Variants in TTC6 observed in about 807,000 individuals in gnomAD.
The protein encoded by TTC6 is tetratricopeptide repeat domain 6.
A neutral mutation model predicts 210.4 loss-of-function variants in TTC6; 172 were observed. The ratio of observed to expected loss-of-function variants is 0.82; its 90% CI spans 0.72 to 0.93. TTC6 has a LOEUF of 0.93. Among genes scored for constraint, TTC6 ranks in the 40% least tolerant of loss-of-function variants. The probability of loss-of-function intolerance (pLI) is 0.00; values close to 1 mark genes in which losing one functional copy is unlikely to be tolerated. For synonymous variants in TTC6, 804 were observed against 819.6 expected (o/e 0.98, Z 0.32); for missense variants, 2,414 against 2,318.1 (o/e 1.04, Z -0.85).
chr14:37,821,381 C>G (rs1434523467), intron 26 of TTC6, among the ~76,000 whole-genome samples: 1 of 152,046 alleles, frequency 6.6e-6, no homozygotes, highest in Non-Finnish European at 1.5e-5. Context: ...ACTTTTACTT[C>G]TTAAATAGTG....
At chr14:37,657,785 C>T (rs1359453241) in intron 1 of TTC6, among the ~76,000 whole-genome samples, 2 of 152,128 alleles carry the variant, frequency 1.3e-5, no homozygotes, top group Admixed American at 1.3e-4. Context: ...TTTCAAACAA[C>T]CTGGTATGAA....
chr14:37,822,332 A>C (rs1409747680), intron 26 of TTC6, among the ~76,000 whole-genome samples: 1 of 152,210 alleles, frequency 6.6e-6, no homozygotes, highest in Non-Finnish European at 1.5e-5. Context: ...GGCAACTTTC[A>C]TGAAGGAAGG....
chr14:37,700,101 T>C (rs1276052536), intron 4 of TTC6, among the ~76,000 whole-genome samples: 2 of 152,110 alleles, frequency 1.3e-5, no homozygotes, highest in Admixed American at 1.3e-4. Flanking sequence ...GACCTAAAGA[T>C]CTAAAGCTGA....
At chr14:37,746,029 A>G (rs780811256) in intron 10 of TTC6, among the ~76,000 whole-genome samples, 2 of 152,168 alleles carry the variant, frequency 1.3e-5, no homozygotes, top group Non-Finnish European at 2.9e-5. Context: ...TCTCATCTCT[A>G]AGCACCTTTA....
At chr14:37,743,988 G>A (rs1330369050) in intron 10 of TTC6, among the ~76,000 whole-genome samples, 1 of 152,114 alleles carries the variant, frequency 6.6e-6, no homozygotes, top group Non-Finnish European at 1.5e-5. Context: ...TTCCTTCCCT[G>A]GGAATGTATA....
chr14:37,686,128 G>T (rs2095793261), intron 3 of TTC6, among the ~76,000 whole-genome samples: 1 of 152,008 alleles, frequency 6.6e-6, no homozygotes, highest in African/African-American at 2.4e-5. Flanking sequence ...AGATGTCCAA[G>T]GACCGAATCC....
At chr14:37,616,795 C>T (rs1055824474) in intron 2 of TTC6, among the ~76,000 whole-genome samples, 7 of 148,868 alleles carry the variant, frequency 4.7e-5, no homozygotes, top group African/African-American at 1.5e-4. Context: ...GCTTTTGAAA[C>T]TGACAGCAGG....
chr14:37,670,887 A>T (rs890411970), intron 1 of TTC6, among the ~76,000 whole-genome samples: 1 of 152,200 alleles, frequency 6.6e-6, no homozygotes, highest in Non-Finnish European at 1.5e-5. Flanking sequence ...AATAAAAATT[A>T]TGAGATTTTG....
intron 17 of TTC6, among the ~76,000 whole-genome samples, 164 bp from the exon 20 acceptor site, chr14:37,795,106 T>G (rs2096089457): frequency 6.6e-6 from 1 of 152,180 alleles, no homozygotes; most frequent in African/African-American, 2.4e-5. Context: ...TAAATTTTTC[T>G]TTTTACTTCT....
At chr14:37,659,313 C>T (rs1462561137) in intron 1 of TTC6, among the ~76,000 whole-genome samples, 1 of 152,032 alleles carries the variant, frequency 6.6e-6, no homozygotes, top group Non-Finnish European at 1.5e-5. Flanking sequence ...AATGGGATTG[C>T]TGGGTTGAAT....
exon 31 of TTC6, chr14:37,842,417 C>A (rs1336670408): frequency 5.2e-6 from 4 of 771,076 alleles, no homozygotes; most frequent in East Asian, 3.2e-5. Flanking sequence ...TTCCATATAA[C>A]CTTCTATGCA....
chr14:37,609,225 G>A (rs1365155311), intron 2 of TTC6, among the ~76,000 whole-genome samples: 1 of 151,986 alleles, frequency 6.6e-6, no homozygotes, highest in Non-Finnish European at 1.5e-5. Context: ...TCAAGCCTGG[G>A]CAGTGTAGAG....
chr14:37,808,900 G>T, intron 24 of TTC6, 54 bp downstream of exon 26: 1 of 834,682 alleles, frequency 1.2e-6, no homozygotes. Context: ...TAAATAACAT[G>T]CATTTAATAG....
At chr14:37,650,886 A>G (rs1352138056) in intron 1 of TTC6, among the ~76,000 whole-genome samples, 3 of 152,230 alleles carry the variant, frequency 2.0e-5, no homozygotes, top group Admixed American at 1.3e-4. Context: ...AATGCAAACT[A>G]TAACGCTGAC....
chr14:37,690,148 G>T (rs143166178), intron 3 of TTC6, among the ~76,000 whole-genome samples: 2 of 152,112 alleles, frequency 1.3e-5, no homozygotes, highest in South Asian at 2.1e-4. Flanking sequence ...GTGTTAGGTT[G>T]TTCTCAGTTT....
chr14:37,717,508 G>C (rs554324428), intron 6 of TTC6, among the ~76,000 whole-genome samples: 8 of 152,176 alleles, frequency 5.3e-5, no homozygotes, highest in African/African-American at 1.4e-4. Context: ...GTATGAAATA[G>C]ATTATTTGAA....
intron 29 of TTC6, among the ~76,000 whole-genome samples, chr14:37,832,333 T>TTTTTTTTTTTTTTTTTTTCTTTTTTTC (rs2096187706): frequency 2.1e-4 from 1 of 4,806 alleles, no homozygotes; most frequent in Non-Finnish European, 1.7e-3. Flanking sequence ...TTCTCTCTTT[T>TTTTTTTTTTTTTTTTTTTCTTTTTTTC]TTTTTTTTTT....
At chr14:37,776,049 T>TCATC (rs1403864077) in intron 14 of TTC6, among the ~76,000 whole-genome samples, 8 of 49,210 alleles carry the variant, frequency 1.6e-4, no homozygotes, top group South Asian at 6.8e-4. Context: ...GATTCTTTTT[T>TCATC]TTTTTTTTTT....
At position 37,827,376 on chromosome 14, in the gene TTC6, G is replaced by A. The variant is rs1259886973; in HGVS notation, c.5298+10G>A. ...CAGGCAGTTTTCCCAGGTAATGTGA[G>A]TTTTACTTAACGCTTTCTTTTTGAC... On this transcript the variant is annotated intron_variant, in intron 29 of 30. Transcript: ENST00000553443. 6.2e-7 allele frequency: 1 copy of A among 1,610,398 alleles called. No homozygotes were observed. Among genetic ancestry groups the A allele is most frequent in the African/African-American group, 1.3e-5 (1 of 74,818 alleles).
Sources: allele counts gnomAD v4.1 joint callset (sites outside exome capture counted in the v4.1 genomes callset), GRCh38; gene constraint gnomAD v4.1.1; transcripts MANE v1.5; gene names NCBI Gene and HGNC (gene_info 2026-07-23, HGNC 2026-07-21).